Variants in KIAA1549 observed in about 807,000 individuals in gnomAD.
The protein encoded by KIAA1549 is UPF0606 protein KIAA1549.
KIAA1549 carries 70 observed loss-of-function variants against 156.4 expected under a neutral mutation model. The observed-to-expected ratio is 0.45, with a 90% CI of 0.37 to 0.55. KIAA1549 has a LOEUF of 0.55. Among genes scored for constraint, KIAA1549 ranks in the 20% least tolerant of loss-of-function variants. The pLI is 0.00. For missense variants in KIAA1549, 2,428 were observed against 2,540.9 expected, an observed-to-expected ratio of 0.96 and a Z score of 0.96; for synonymous variants, 1,103 against 1,066.4, an observed-to-expected ratio of 1.03 and a Z score of -0.67.
At chr7:138,855,193 C>G (rs1381814043) in intron 16 of KIAA1549, among the ~76,000 whole-genome samples, 1 of 152,174 alleles carries the variant, frequency 6.6e-6, no homozygotes, top group East Asian at 1.9e-4. Flanking sequence ...GTCAGCTCAT[C>G]AGATGAGCCT....
At chr7:138,967,053 T>C (rs1041632417) in intron 1 of KIAA1549, among the ~76,000 whole-genome samples, 1 of 152,188 alleles carries the variant, frequency 6.6e-6, no homozygotes. Flanking sequence ...ATCTGCTGCA[T>C]TTACACATGA....
intron 8 of KIAA1549, among the ~76,000 whole-genome samples, chr7:138,900,411 C>T (rs76929984): frequency 0.01 from 1,523 of 152,288 alleles, 32 homozygotes; most frequent in African/African-American, 0.035. Flanking sequence ...AGATTATATC[C>T]ATCTGTCTCT....
intron 17 of KIAA1549, among the ~76,000 whole-genome samples, chr7:138,849,959 TG>T (rs1340084845): frequency 7.2e-5 from 11 of 152,158 alleles, no homozygotes; most frequent in African/African-American, 2.7e-4. Flanking sequence ...TTATCCGATT[TG>T]TCACTGATGG....
intron 1 of KIAA1549, among the ~76,000 whole-genome samples, chr7:138,954,453 G>A (rs1330968120): frequency 6.6e-6 from 1 of 152,162 alleles, no homozygotes; most frequent in Non-Finnish European, 1.5e-5. Context: ...TAAGCAGTGT[G>A]GATTTTATCT....
intron 1 of KIAA1549, among the ~76,000 whole-genome samples, chr7:138,920,804 TA>T (rs1271755048): frequency 1.3e-5 from 2 of 152,398 alleles, no homozygotes; most frequent in Non-Finnish European, 1.5e-5. Context: ...TGAAATGGTA[TA>T]AGGACAGTCT....
chr7:138,911,661 T>C (rs1812173379), intron 3 of KIAA1549, among the ~76,000 whole-genome samples: 1 of 152,206 alleles, frequency 6.6e-6, no homozygotes, highest in South Asian at 2.1e-4. Flanking sequence ...TTTAAAAATT[T>C]CTAGTGGCCA....
chr7:138,845,520 G>A (rs1030979512), intron 17 of KIAA1549, among the ~76,000 whole-genome samples: 1 of 152,144 alleles, frequency 6.6e-6, no homozygotes, highest in Non-Finnish European at 1.5e-5. Context: ...AAATGATACT[G>A]GTGAACTTTT....
At chr7:138,853,828 G>A (rs913557516) in intron 16 of KIAA1549, among the ~76,000 whole-genome samples, 2 of 152,102 alleles carry the variant, frequency 1.3e-5, no homozygotes, top group Non-Finnish European at 2.9e-5. Context: ...CACAGTGCTG[G>A]TGCTTTCGGC....
intron 1 of KIAA1549, among the ~76,000 whole-genome samples, chr7:138,974,662 A>G (rs1814319298): frequency 6.6e-6 from 1 of 151,358 alleles, no homozygotes; most frequent in Non-Finnish European, 1.5e-5. Flanking sequence ...GCCTCAGGTG[A>G]CCCACCTGCC....
At chr7:138,866,688 G>A (rs1810752220) in intron 15 of KIAA1549, among the ~76,000 whole-genome samples, 1 of 152,152 alleles carries the variant, frequency 6.6e-6, no homozygotes, top group Admixed American at 6.5e-5. Context: ...AGTGAGGCTG[G>A]TTCTCTCTCC....
At position 138,835,985 on chromosome 7, in the gene KIAA1549, C is replaced by A. The variant is rs1809695692; in HGVS notation, c.*1921G>T. ...CCAACTTCCCTCATATTGTAAGACT[C>A]TAAATCTGTACAACAGGCTTCATTA... On this transcript the variant is annotated 3_prime_UTR_variant, in exon 20 of 20. Coordinates refer to ENST00000422774, the MANE Select transcript of KIAA1549 (RefSeq NM_001164665.2). The A allele has an allele frequency of 4.7e-6, 1 of 211,570 alleles. No homozygotes were observed. Among genetic ancestry groups the A allele is most frequent in the South Asian group, 1.9e-4 (1 of 5,344 alleles). The allele number at this position is 211,570 out of a possible 1,614,324, so 13.1% of individuals were successfully genotyped here.
intron 12 of KIAA1549, among the ~76,000 whole-genome samples, chr7:138,878,539 T>C (rs959931556): frequency 2.0e-5 from 3 of 152,142 alleles, no homozygotes; most frequent in African/African-American, 7.2e-5. Context: ...GGCGGATGGA[T>C]CGCTTGAGTC....
At chr7:138,916,563 G>A (rs1468069994) in intron 2 of KIAA1549, among the ~76,000 whole-genome samples, 185 bp downstream of exon 2, 1 of 152,192 alleles carries the variant, frequency 6.6e-6, no homozygotes. Context: ...GGCAGCAGAC[G>A]ATTAGAGAGG....
At chr7:138,841,066 T>C (rs561403301) in intron 18 of KIAA1549, among the ~76,000 whole-genome samples, 85 of 152,280 alleles carry the variant, frequency 5.6e-4, no homozygotes, top group Middle Eastern at 3.4e-3. Context: ...ACATTAGGAC[T>C]GGGGATAAAC....
intron 1 of KIAA1549, among the ~76,000 whole-genome samples, chr7:138,941,634 CACAGGCTAGTT>C (rs1475222562): frequency 6.6e-6 from 1 of 152,198 alleles, no homozygotes; most frequent in African/African-American, 2.4e-5. Context: ...CCTTCAAAAA[CACAGGCTAGTT>C]AATGCCTTCC....
At position 138,896,639 on chromosome 7, in the gene KIAA1549, G is replaced by T. The variant is rs1811692330; in HGVS notation, c.3848-2113C>A. On this transcript the variant is annotated intron_variant, in intron 9 of 19. Transcript: ENST00000422774. ...AGATAGGGTCTCACTCTATCACTCA[G>T]GCTAGAATGTGGTGGCACAATCAAG... Among the ~76,000 whole-genome samples, 3 of 151,124 alleles carry T rather than the reference G, an allele frequency of 2.0e-5. No homozygotes were observed. The South Asian group carries it at 6.4e-4, about 32-fold the overall frequency.
chr7:138,883,089 T>TAAAA (rs1201752539), intron 10 of KIAA1549, among the ~76,000 whole-genome samples: 1,749 of 47,060 alleles, frequency 0.037, 582 homozygotes, highest in African/African-American at 0.085. Context: ...CCATCTCCCC[T>TAAAA]AAAAAAAAAA....
At chr7:138,972,814 C>CTTTTG (rs139299200) in intron 1 of KIAA1549, among the ~76,000 whole-genome samples, 18 of 152,116 alleles carry the variant, frequency 1.2e-4, no homozygotes, top group South Asian at 1.0e-3. Context: ...TCAACCACTG[C>CTTTTG]TTTTGTTTTG....
At chr7:138,954,450 T>C (rs1049715133) in intron 1 of KIAA1549, among the ~76,000 whole-genome samples, 1 of 152,000 alleles carries the variant, frequency 6.6e-6, no homozygotes, top group Non-Finnish European at 1.5e-5. Context: ...AACTAAGCAG[T>C]GTGGATTTTA....
Sources: allele counts gnomAD v4.1 joint callset (sites outside exome capture counted in the v4.1 genomes callset), GRCh38; gene constraint gnomAD v4.1.1; transcripts MANE v1.5; gene names NCBI Gene and HGNC (gene_info 2026-07-23, HGNC 2026-07-21).